Variants in MAP3K13 observed in about 807,000 individuals in gnomAD.
The protein encoded by MAP3K13 is mitogen-activated protein kinase kinase kinase 13.
A neutral mutation model predicts 104.0 loss-of-function variants in MAP3K13; 52 were observed. The observed-to-expected ratio is 0.50, with a 90% CI of 0.40 to 0.63. MAP3K13 has a LOEUF of 0.63. Among genes scored for constraint, MAP3K13 ranks in the 20% least tolerant of loss-of-function variants. The probability of loss-of-function intolerance (pLI) is 0.00; values close to 1 mark genes in which losing one functional copy is unlikely to be tolerated. For missense variants in MAP3K13, 914 were observed against 1,218.5 expected (o/e 0.75, Z 3.72); for synonymous variants, 394 against 442.2 (o/e 0.89, Z 1.37).
intron 2 of MAP3K13, among the ~76,000 whole-genome samples, chr3:185,328,231 G>T (rs1397938548): frequency 6.6e-6 from 1 of 152,170 alleles, no homozygotes; most frequent in Admixed American, 6.5e-5. Flanking sequence ...GAATGGAGAT[G>T]GGGGAGGACT....
At chr3:185,411,980 C>T (rs1713478522) in intron 1 of MAP3K13, among the ~76,000 whole-genome samples, 1 of 151,956 alleles carries the variant, frequency 6.6e-6, no homozygotes, top group South Asian at 2.1e-4. Flanking sequence ...TATGGGGTTT[C>T]ACCACGTTGG....
intron 12 of MAP3K13, 105 bp from the exon 13 acceptor site, chr3:185,480,127 G>A (rs1243275427): frequency 6.3e-6 from 7 of 1,105,080 alleles, no homozygotes; most frequent in African/African-American, 3.1e-5. Flanking sequence ...CTCCTTGATG[G>A]CAGGGAAAAA....
intron 2 of MAP3K13, among the ~76,000 whole-genome samples, chr3:185,429,335 A>G (rs1212375862): frequency 6.6e-6 from 1 of 152,222 alleles, no homozygotes; most frequent in Non-Finnish European, 1.5e-5. Flanking sequence ...AGAAGAAAAT[A>G]TTAGAGATCA....
At chr3:185,337,809 TA>T (rs1463349421) in intron 2 of MAP3K13, among the ~76,000 whole-genome samples, 1 of 149,142 alleles carries the variant, frequency 6.7e-6, no homozygotes, top group African/African-American at 2.5e-5. Context: ...TTTCAGAATT[TA>T]ATAATATGGT....
intron 2 of MAP3K13, among the ~76,000 whole-genome samples, chr3:185,317,182 G>C (rs1278997660): frequency 1.3e-5 from 2 of 152,150 alleles, no homozygotes; most frequent in Admixed American, 6.5e-5. Context: ...CCTGAAAACA[G>C]CTTTGGAGAG....
At chr3:185,390,255 A>G (rs1230826893) in intron 1 of MAP3K13, among the ~76,000 whole-genome samples, 1 of 152,134 alleles carries the variant, frequency 6.6e-6, no homozygotes, top group Admixed American at 6.5e-5. Flanking sequence ...TGCTTTACAT[A>G]TTTAATTCTC....
At position 185,480,105 on chromosome 3, in the gene MAP3K13, G is replaced by C. The variant is rs150793261; in HGVS notation, c.2502-127G>C. 2.0e-4 allele frequency: 172 copies of C among 847,256 alleles called. No homozygotes were observed. In the African/African-American group the frequency reaches 2.5e-3, roughly 12 times the overall value. 52.5% of individuals were successfully genotyped at this position (847,256 alleles called of 1,614,324 possible). A position where few individuals can be genotyped will look rare whatever the true frequency, so the allele number is the denominator to read the frequency against. ...AAGTTAAATAGTTTCTACCTATCTTGATTTCTTAGGCCTCCTTGATGGCAG... is the reference window on the plus strand; with the variant it reads ...AAGTTAAATAGTTTCTACCTATCTTCATTTCTTAGGCCTCCTTGATGGCAG... On this transcript the variant is annotated intron_variant, in intron 12 of 13. Coordinates refer to ENST00000265026, the MANE Select transcript of MAP3K13 (RefSeq NM_004721.5).
chr3:185,424,251 G>A (rs1225758068), intron 1 of MAP3K13, among the ~76,000 whole-genome samples: 2 of 152,122 alleles, frequency 1.3e-5, no homozygotes, highest in African/African-American at 2.4e-5. Flanking sequence ...ATCATTCTGT[G>A]TTCTGGATTC....
intron 2 of MAP3K13, among the ~76,000 whole-genome samples, chr3:185,429,570 A>G (rs1249804538): frequency 6.6e-6 from 1 of 152,166 alleles, no homozygotes; most frequent in Non-Finnish European, 1.5e-5. Flanking sequence ...GTGAGCTATG[A>G]TGGTGCCACT....
At chr3:185,455,442 T>G (rs1577587992) in intron 7 of MAP3K13, among the ~76,000 whole-genome samples, 1 of 115,216 alleles carries the variant, frequency 8.7e-6, no homozygotes, top group South Asian at 2.7e-4. Context: ...GAGATATATA[T>G]ATGAGATATA....
At chr3:185,292,004 A>G in intron 2 of MAP3K13, 1 of 1,015,142 alleles carries the variant, frequency 9.9e-7, no homozygotes, top group African/African-American at 1.7e-5. Context: ...ATCATATCCT[A>G]TAAAAAGTTG....
intron 1 of MAP3K13, among the ~76,000 whole-genome samples, chr3:185,388,605 T>C (rs1645979261): frequency 6.6e-6 from 1 of 152,098 alleles, no homozygotes; most frequent in Non-Finnish European, 1.5e-5. Flanking sequence ...AATGGCCATA[T>C]TACCCAAAGC....
intron 7 of MAP3K13, among the ~76,000 whole-genome samples, chr3:185,455,564 G>GATATATGACATATATATC (rs1560119879): frequency 0.16 from 353 of 2,244 alleles, 96 homozygotes; most frequent in African/African-American, 0.3. Context: ...ATATATATGA[G>GATATATGACATATATATC]ATATATATGA....
chr3:185,321,859 C>G (rs910233821), intron 2 of MAP3K13, among the ~76,000 whole-genome samples: 2 of 152,238 alleles, frequency 1.3e-5, no homozygotes, highest in Non-Finnish European at 2.9e-5. Context: ...CCACCTCAGC[C>G]TCCCAAAGTG....
intron 1 of MAP3K13, among the ~76,000 whole-genome samples, chr3:185,401,840 A>G (rs891176779): frequency 1.2e-4 from 19 of 152,090 alleles, no homozygotes; most frequent in Non-Finnish European, 5.9e-5. Context: ...AGATTCCTGG[A>G]TTTTCATAGG....
chr3:185,449,746 T>TC (rs1715783072), intron 5 of MAP3K13, among the ~76,000 whole-genome samples, 154 bp from the exon 6 acceptor site: 1 of 143,512 alleles, frequency 7.0e-6, no homozygotes, highest in African/African-American at 2.5e-5. Flanking sequence ...TTTTTTTTTT[T>TC]CAGAGTTGTC....
chr3:185,431,984 C>T (rs1003960177), intron 2 of MAP3K13, among the ~76,000 whole-genome samples: 5 of 151,902 alleles, frequency 3.3e-5, no homozygotes, highest in Admixed American at 1.3e-4. Flanking sequence ...ATACATACTC[C>T]GACACGCTAC....
chr3:185,394,545 G>A (rs2108770946), intron 1 of MAP3K13, among the ~76,000 whole-genome samples: 1 of 152,230 alleles, frequency 6.6e-6, no homozygotes, highest in South Asian at 2.1e-4. Flanking sequence ...GAGTTCAAGG[G>A]CTTACCCCAG....
chr3:185,417,784 G>T (rs1713870309), intron 1 of MAP3K13: 12 of 1,612,072 alleles, frequency 7.4e-6, no homozygotes, highest in Non-Finnish European at 1.0e-5. Context: ...CATGGTCTTT[G>T]CATATGGGTT....
Sources: gnomAD v4.1 joint callset for allele counts (sites outside exome capture counted in the v4.1 genomes callset) on GRCh38, gnomAD v4.1.1 for gene constraint, MANE v1.5 for transcripts, NCBI Gene and HGNC (gene_info 2026-07-23, HGNC 2026-07-21) for gene names.